NEDD4L: variants seen among roughly 807,000 people sequenced by gnomAD.
NEDD4L encodes the protein NEDD4 like E3 ubiquitin protein ligase, also known as E3 ubiquitin-protein ligase NEDD4-like.
Under a neutral mutation model 148.9 loss-of-function variants are expected in NEDD4L, and 54 were observed. The ratio of observed to expected loss-of-function variants is 0.36; its 90% CI spans 0.29 to 0.45. The LOEUF (loss-of-function observed/expected upper bound fraction) is 0.45. NEDD4L is among the 20% of genes least tolerant of loss of function. NEDD4L has a pLI of 1.00. For missense variants in NEDD4L, 856 were observed against 1,233.8 expected, an observed-to-expected ratio of 0.69 and a Z score of 4.59; for synonymous variants, 433 against 440.7, an observed-to-expected ratio of 0.98 and a Z score of 0.22.
At chr18:58,231,306 G>A (rs1235426964) in intron 2 of NEDD4L, among the ~76,000 whole-genome samples, 1 of 151,808 alleles carries the variant, frequency 6.6e-6, no homozygotes, top group Non-Finnish European at 1.5e-5. Flanking sequence ...CATGGAAAAG[G>A]GAGTGGTCTA....
At chr18:58,092,168 C>T (rs866791284) in intron 1 of NEDD4L, among the ~76,000 whole-genome samples, 4 of 152,366 alleles carry the variant, frequency 2.6e-5, no homozygotes, top group Non-Finnish European at 5.9e-5. Flanking sequence ...TGACTTGCCA[C>T]CAGCATCCTC....
intron 1 of NEDD4L, among the ~76,000 whole-genome samples, chr18:58,082,098 AT>A (rs2083470048): frequency 5.5e-5 from 4 of 73,236 alleles, no homozygotes; most frequent in African/African-American, 3.8e-4. Flanking sequence ...ATATATATAT[AT>A]ATATTTTTTT....
At chr18:58,296,108 G>A (rs994914601) in intron 5 of NEDD4L, among the ~76,000 whole-genome samples, 3 of 152,172 alleles carry the variant, frequency 2.0e-5, no homozygotes, top group Admixed American at 6.5e-5. Context: ...CCTTCCGACA[G>A]TCTCCTCATC....
chr18:58,325,076 G>A lies in NEDD4L; in HGVS notation c.594G>A (p.Gly198=), dbSNP rs778209121. The A allele has an allele frequency of 6.2e-7, 1 of 1,614,024 alleles. No homozygotes were observed. The highest frequency in any genetic ancestry group is 1.7e-5 in the Admixed American group (1 of 60,020). The stretch of plus-strand genomic sequence containing the variant: ...TTCCTCCTCCTCCTCTGCCTCCCGG[G>A]TGGGAAGAAAAAGTGGACAATTTAG... ...EELPPPPLPP[G]WEEKVDNLGR... Residue 198 remains glycine (G), a synonymous_variant, in exon 9 of 31, where the codon GGG becomes GGA. Coordinates refer to ENST00000400345, the MANE Select transcript of NEDD4L (RefSeq NM_001144967.3).
chr18:58,273,930 A>G (rs561475725), intron 5 of NEDD4L, among the ~76,000 whole-genome samples: 1 of 152,230 alleles, frequency 6.6e-6, no homozygotes, highest in East Asian at 1.9e-4. Context: ...TCCCTCTCCC[A>G]TCCACACAGA....
intron 1 of NEDD4L, among the ~76,000 whole-genome samples, chr18:58,164,627 T>C (rs921235498): frequency 7.9e-5 from 12 of 152,184 alleles, no homozygotes; most frequent in African/African-American, 2.9e-4. Context: ...CATGCCACCA[T>C]GTCTGGCTAA....
At chr18:58,170,112 C>T (rs571904117) in intron 2 of NEDD4L, among the ~76,000 whole-genome samples, 5 of 152,300 alleles carry the variant, frequency 3.3e-5, no homozygotes, top group East Asian at 1.9e-4. Context: ...CTCTCCTTCC[C>T]TCCCTTTCCC....
intron 1 of NEDD4L, among the ~76,000 whole-genome samples, chr18:58,048,927 C>T (rs2081727247): frequency 6.6e-6 from 1 of 152,148 alleles, no homozygotes; most frequent in African/African-American, 2.4e-5. Flanking sequence ...TTAAGGCTAA[C>T]CTTTGGCGTG....
In NEDD4L at chr18:58,330,823, C is replaced by T. The variant is rs779437307; in HGVS notation, c.899C>T (p.Ser300Phe). Residue 300 changes from serine to phenylalanine, a missense_variant, in exon 11 of 31, where the codon TCT becomes TTT. By Grantham distance (155) the Ser-to-Phe change is radical. Around this residue, in one of 4 missense-constraint regions of NEDD4L, gnomAD observed 367 missense variants for 422.7 expected, o/e 0.87. Transcript: ENST00000400345. The part of the protein sequence containing the change: ...ALPPPPASPG[S>F]RTSPQELSEE... The stretch of plus-strand genomic sequence containing the variant: ...CCCCCACCACCGGCCTCCCCAGGAT[C>T]TCGGACCAGCCCTCAGGAGCTGTCA... 1 of 1,613,952 alleles carries T rather than the reference C, an allele frequency of 6.2e-7. No individual in the cohort carries two copies. The highest frequency in any genetic ancestry group is 8.5e-7 in the Non-Finnish European group (1 of 1,179,850).
At chr18:58,293,629 G>A (rs2055098456) in intron 5 of NEDD4L, among the ~76,000 whole-genome samples, 1 of 152,134 alleles carries the variant, frequency 6.6e-6, no homozygotes, top group Non-Finnish European at 1.5e-5. Flanking sequence ...ACATAACCTA[G>A]TCTTTGCAAA....
intron 16 of NEDD4L, 148 bp from the exon 17 acceptor site, chr18:58,349,389 T>C (rs1601572805): frequency 3.1e-6 from 2 of 643,018 alleles, no homozygotes; most frequent in African/African-American, 3.7e-5. Context: ...CCAGGCTTCC[T>C]GTACAAAACA....
chr18:58,184,975 A>G (rs908117455), intron 2 of NEDD4L, among the ~76,000 whole-genome samples: 12 of 152,004 alleles, frequency 7.9e-5, no homozygotes, highest in African/African-American at 2.9e-4. Flanking sequence ...AGTGCTGCTC[A>G]CCCTTTTTCC....
At chr18:58,214,815 T>TG (rs1555740338) in intron 2 of NEDD4L, among the ~76,000 whole-genome samples, 78 of 127,156 alleles carry the variant, frequency 6.1e-4, no homozygotes, top group Non-Finnish European at 9.1e-4. Flanking sequence ...TTTTTTTTTT[T>TG]TTGTTGTTGT....
At chr18:58,079,801 T>G (rs1213779920) in intron 1 of NEDD4L, among the ~76,000 whole-genome samples, 1 of 152,170 alleles carries the variant, frequency 6.6e-6, no homozygotes, top group Non-Finnish European at 1.5e-5. Flanking sequence ...GCATGGGAAC[T>G]CTGTACGGAA....
At chr18:58,169,496 T>C (rs1027529080) in intron 2 of NEDD4L, among the ~76,000 whole-genome samples, 2 of 151,012 alleles carry the variant, frequency 1.3e-5, no homozygotes, top group African/African-American at 4.9e-5. Context: ...GCCTTTATTA[T>C]CCATATCATG....
intron 1 of NEDD4L, chr18:58,149,707 C>A: frequency 1.5e-6 from 1 of 665,510 alleles, no homozygotes; most frequent in South Asian, 1.8e-5. Flanking sequence ...CATAATTGAC[C>A]TGATTACTTC....
At chr18:58,314,757 TTTGA>T (rs1330281280) in intron 5 of NEDD4L, among the ~76,000 whole-genome samples, 1 of 152,184 alleles carries the variant, frequency 6.6e-6, no homozygotes, top group Non-Finnish European at 1.5e-5. Context: ...CCGTGGTAAC[TTTGA>T]TTTTTTTATT....
intron 2 of NEDD4L, among the ~76,000 whole-genome samples, chr18:58,220,563 G>A (rs2043630067): frequency 6.6e-6 from 1 of 152,170 alleles, no homozygotes; most frequent in African/African-American, 2.4e-5. Flanking sequence ...GGAAATCCCA[G>A]CGTTTGAACG....
At chr18:58,081,083 T>A (rs371393963) in intron 1 of NEDD4L, among the ~76,000 whole-genome samples, 1 of 152,170 alleles carries the variant, frequency 6.6e-6, no homozygotes, top group African/African-American at 2.4e-5. Flanking sequence ...ATAAAAAACC[T>A]AGGGTTTCTC....
Sources: gnomAD v4.1 joint callset for allele counts (sites outside exome capture counted in the v4.1 genomes callset) on GRCh38, gnomAD v4.1.1 for gene constraint, gnomAD v4.1.1 regional missense constraint, MANE v1.5 for transcripts, NCBI Gene and HGNC (gene_info 2026-07-23, HGNC 2026-07-21) for gene names.